Variants in CACNA2D3 observed in about 807,000 individuals in gnomAD.
CACNA2D3 encodes calcium voltage-gated channel auxiliary subunit alpha2delta 3.
A neutral mutation model predicts 160.6 loss-of-function variants in CACNA2D3; 60 were observed. That is an observed-to-expected ratio of 0.37 (90% CI 0.30 to 0.46). CACNA2D3 has a LOEUF of 0.46. CACNA2D3 is among the 20% of genes least tolerant of loss of function. The pLI is 1.00. For synonymous variants in CACNA2D3, 558 were observed against 492.9 expected, an observed-to-expected ratio of 1.13 and a Z score of -1.75; for missense variants, 1,205 against 1,365.0, an observed-to-expected ratio of 0.88 and a Z score of 1.85.
At chr3:54,924,654 C>T (rs780151460) in intron 27 of CACNA2D3, 1 of 1,614,062 alleles carries the variant, frequency 6.2e-7, no homozygotes, top group South Asian at 1.1e-5. Flanking sequence ...GAGTTTAAGA[C>T]CGAGCAAGTG....
chr3:55,073,054 C>T lies in CACNA2D3; in HGVS notation c.2988-391C>T, dbSNP rs144946463. On this transcript the variant is annotated intron_variant, in intron 35 of 37. Coordinates refer to ENST00000474759, the MANE Select transcript of CACNA2D3 (RefSeq NM_018398.3). ...TCGTTGAGGGAAGGAGGAGAGAAAACGCCACTTAGAGGAACATCAAATGTA... is the reference window on the plus strand; with the variant it reads ...TCGTTGAGGGAAGGAGGAGAGAAAATGCCACTTAGAGGAACATCAAATGTA... Among the ~76,000 whole-genome samples, 582 of 152,228 alleles carry T rather than the reference C, an allele frequency of 3.8e-3. 3 individuals are homozygous for T. Among genetic ancestry groups the T allele is most frequent in the African/African-American group, 0.013 (544 of 41,530 alleles).
chr3:54,165,134 T>G (rs899927811), intron 2 of CACNA2D3, among the ~76,000 whole-genome samples: 1 of 145,616 alleles, frequency 6.9e-6, no homozygotes, highest in Admixed American at 6.7e-5. Flanking sequence ...TTTTTTTTTT[T>G]GTCAAACAAG....
chr3:54,750,480 G>T (rs532598974), intron 11 of CACNA2D3, among the ~76,000 whole-genome samples: 40 of 152,280 alleles, frequency 2.6e-4, no homozygotes, highest in Admixed American at 9.8e-4. Flanking sequence ...GGATTCTGTG[G>T]GTGCTGGCTC....
intron 2 of CACNA2D3, among the ~76,000 whole-genome samples, chr3:54,291,376 C>T (rs1033506947): frequency 1.3e-5 from 2 of 152,112 alleles, no homozygotes; most frequent in African/African-American, 4.8e-5. Context: ...AATTTTGTCC[C>T]TTTAAAGTAA....
At chr3:54,626,949 T>C (rs1699130880) in intron 9 of CACNA2D3, among the ~76,000 whole-genome samples, 2 of 152,186 alleles carry the variant, frequency 1.3e-5, no homozygotes, top group Non-Finnish European at 2.9e-5. Context: ...TAGCTAATGC[T>C]GAGCTTCTGC....
In CACNA2D3 at chr3:54,817,778, T is replaced by C. The variant is rs138138740; in HGVS notation, c.1398+908T>C. Among the ~76,000 whole-genome samples, 249 of 152,338 alleles carry C rather than the reference T, an allele frequency of 1.6e-3. 4 individuals are homozygous for C. The highest frequency in any genetic ancestry group is 5.7e-3 in the African/African-American group (238 of 41,578). On this transcript the variant is annotated intron_variant, in intron 14 of 37. Coordinates refer to ENST00000474759, the MANE Select transcript of CACNA2D3 (RefSeq NM_018398.3). ...CAGACCATATGGACAACCAGAGGCC[T>C]AGAAATCATTACACAATTACTCAGA...
At position 54,933,760 on chromosome 3, in the gene CACNA2D3, C is replaced by CT. The variant is rs34842038; in HGVS notation, c.2449+33908dup. On this transcript the variant is annotated intron_variant, in intron 27 of 37. Coordinates refer to ENST00000474759, the MANE Select transcript of CACNA2D3 (RefSeq NM_018398.3). ...TGAATGAATAAAGATATTACTATTA[C>CT]TTTTTTTTTTTTTTTTGAGACAAAG... Among the ~76,000 whole-genome samples the CT allele has an allele frequency of 3.0e-3, 419 of 141,190 alleles. 4 individuals carry two copies. The highest frequency in any genetic ancestry group is 8.0e-3 in the African/African-American group (306 of 38,118). 92.6% of individuals were successfully genotyped at this position (141,190 alleles called of 152,430 possible).
chr3:54,141,766 G>A (rs910737528), intron 2 of CACNA2D3, among the ~76,000 whole-genome samples: 1 of 152,134 alleles, frequency 6.6e-6, no homozygotes, highest in African/African-American at 2.4e-5. Flanking sequence ...AAATGTTACT[G>A]CCTTGGTCCC....
At chr3:54,550,634 A>G (rs1575340014) in intron 5 of CACNA2D3, among the ~76,000 whole-genome samples, 2 of 152,206 alleles carry the variant, frequency 1.3e-5, no homozygotes, top group East Asian at 3.9e-4. Flanking sequence ...CTGCAAATCT[A>G]TGACAAGACA....
intron 14 of CACNA2D3, among the ~76,000 whole-genome samples, chr3:54,836,501 T>C (rs1246772743): frequency 6.6e-6 from 1 of 152,096 alleles, no homozygotes; most frequent in African/African-American, 2.4e-5. Context: ...CCCAAAGTGC[T>C]GGGATTACAG....
chr3:54,377,803 T>C (rs1406136727), intron 3 of CACNA2D3, among the ~76,000 whole-genome samples: 3 of 152,208 alleles, frequency 2.0e-5, no homozygotes, highest in Admixed American at 1.3e-4. Flanking sequence ...GTTCAGTTTT[T>C]GGTGATGTTC....
chr3:54,391,139 C>G (rs1195793176), intron 4 of CACNA2D3, among the ~76,000 whole-genome samples: 1 of 152,186 alleles, frequency 6.6e-6, no homozygotes, highest in African/African-American at 2.4e-5. Flanking sequence ...GGAGACGTTG[C>G]ATCATTGCAA....
chr3:54,418,428 G>T (rs1699788824), intron 4 of CACNA2D3, among the ~76,000 whole-genome samples: 1 of 152,160 alleles, frequency 6.6e-6, no homozygotes, highest in Admixed American at 6.5e-5. Context: ...CAGAGGAAAA[G>T]GAGGAATTAT....
chr3:54,429,383 C>T (rs1201331818), intron 4 of CACNA2D3, among the ~76,000 whole-genome samples: 1 of 151,662 alleles, frequency 6.6e-6, no homozygotes, highest in Admixed American at 6.6e-5. Flanking sequence ...TTCTTTTCTC[C>T]TTGTTTCCTT....
At chr3:55,009,255 C>T (rs1346781835) in intron 33 of CACNA2D3, 133 bp from the exon 34 acceptor site, 4 of 749,998 alleles carry the variant, frequency 5.3e-6, no homozygotes, top group Non-Finnish European at 9.2e-6. Flanking sequence ...GTAACTCAGC[C>T]AACTGTGTTG....
chr3:54,400,346 A>C (rs36114617), intron 4 of CACNA2D3, among the ~76,000 whole-genome samples: 16,913 of 151,324 alleles, frequency 0.11, 1,143 homozygotes, highest in East Asian at 0.18. Context: ...TCACCTTAGA[A>C]CTCAGGTGCC....
At chr3:54,614,495 C>T (rs956113998) in intron 9 of CACNA2D3, among the ~76,000 whole-genome samples, 6 of 152,198 alleles carry the variant, frequency 3.9e-5, no homozygotes, top group Non-Finnish European at 7.3e-5. Context: ...GTAATGTTTG[C>T]ATCACATTTT....
chr3:54,674,195 GA>G (rs1306618825), intron 11 of CACNA2D3, among the ~76,000 whole-genome samples: 2 of 152,220 alleles, frequency 1.3e-5, no homozygotes, highest in African/African-American at 4.8e-5. Flanking sequence ...CAAAAGCTTT[GA>G]AGATGCTTGG....
chr3:54,626,095 G>A (rs530396638), intron 9 of CACNA2D3: 7 of 580,698 alleles, frequency 1.2e-5, no homozygotes, highest in Admixed American at 2.9e-5. Flanking sequence ...TTTCCCCAGC[G>A]GACAAAAGTG....
Sources: allele counts gnomAD v4.1 joint callset (sites outside exome capture counted in the v4.1 genomes callset), GRCh38; gene constraint gnomAD v4.1.1; transcripts MANE v1.5; gene names NCBI Gene and HGNC (gene_info 2026-07-23, HGNC 2026-07-21).